Variants in CHCHD3 observed in about 807,000 individuals in gnomAD.
CHCHD3 encodes the protein MICOS complex subunit MIC19.
CHCHD3 carries 20 observed loss-of-function variants against 38.2 expected under a neutral mutation model. The observed-to-expected ratio is 0.52, with a 90% CI of 0.37 to 0.76. The LOEUF (loss-of-function observed/expected upper bound fraction) is 0.76. Among genes scored for constraint, CHCHD3 ranks in the 30% least tolerant of loss-of-function variants. The probability of loss-of-function intolerance (pLI) is 0.00; values close to 1 mark genes in which losing one functional copy is unlikely to be tolerated. For missense variants in CHCHD3, 245 were observed against 279.2 expected, an observed-to-expected ratio of 0.88 and a Z score of 0.87; for synonymous variants, 82 against 100.0, an observed-to-expected ratio of 0.82 and a Z score of 1.07.
intron 2 of CHCHD3, among the ~76,000 whole-genome samples, chr7:133,030,644 C>CT (rs1283195814): frequency 6.6e-6 from 1 of 152,228 alleles, no homozygotes; most frequent in African/African-American, 2.4e-5. Context: ...CACACATACT[C>CT]TCCTTTTAGA....
intron 6 of CHCHD3, among the ~76,000 whole-genome samples, chr7:132,820,795 A>C (rs148111390): frequency 6.6e-6 from 1 of 152,178 alleles, no homozygotes; most frequent in Non-Finnish European, 1.5e-5. Flanking sequence ...ACACGTTAGG[A>C]AGAATCTTGT....
chr7:132,958,167 T>A (rs1440288904), intron 4 of CHCHD3, among the ~76,000 whole-genome samples: 1 of 151,992 alleles, frequency 6.6e-6, no homozygotes, highest in Non-Finnish European at 1.5e-5. Context: ...ATTATAAACA[T>A]CTCCACAAAA....
At chr7:133,045,495 G>A (rs916580087) in intron 2 of CHCHD3, among the ~76,000 whole-genome samples, 12 of 152,108 alleles carry the variant, frequency 7.9e-5, no homozygotes, top group Non-Finnish European at 7.4e-5. Flanking sequence ...GAAGGCAAAG[G>A]CTTTTTAATG....
At chr7:132,866,865 A>C (rs1206668023) in intron 5 of CHCHD3, among the ~76,000 whole-genome samples, 1 of 152,180 alleles carries the variant, frequency 6.6e-6, no homozygotes, top group Non-Finnish European at 1.5e-5. Context: ...AGCCAATGCA[A>C]GAGATTTAGG....
Position 133,070,234 on chromosome 7 carries a change from A to G in CHCHD3, c.82-5T>C, listed in dbSNP as rs761814706. 2 of 1,610,758 alleles carry G rather than the reference A, an allele frequency of 1.2e-6. No individual in the cohort carries two copies. The highest frequency in any genetic ancestry group is 1.7e-4 in the Middle Eastern group (1 of 6,032). On this transcript the variant is annotated splice_region_variant and splice_polypyrimidine_tract_variant and intron_variant, in intron 1 of 7. Coordinates refer to ENST00000262570, the MANE Select transcript of CHCHD3 (RefSeq NM_017812.4). ...ATCAATCACATTTTCCGAAAGCTGG[A>G]AAAGCAACATCAAAATAAAATCAAT...
chr7:132,833,718 A>T (rs1428116591), intron 6 of CHCHD3, among the ~76,000 whole-genome samples: 1 of 152,194 alleles, frequency 6.6e-6, no homozygotes, highest in East Asian at 1.9e-4. Flanking sequence ...AAAACTATAC[A>T]TTGAGGGGCT....
At chr7:132,856,607 A>T (rs1194374486) in intron 5 of CHCHD3, among the ~76,000 whole-genome samples, 1 of 152,186 alleles carries the variant, frequency 6.6e-6, no homozygotes, top group Non-Finnish European at 1.5e-5. Context: ...ACCCAAATGT[A>T]ACCAGACCAA....
chr7:132,829,719 A>T (rs1225794349), intron 6 of CHCHD3, among the ~76,000 whole-genome samples: 2 of 152,320 alleles, frequency 1.3e-5, no homozygotes, highest in African/African-American at 4.8e-5. Context: ...ACCAGCTGAG[A>T]TTCCTTTACA....
intron 2 of CHCHD3, chr7:133,036,071 T>C (rs1584662879): frequency 5.7e-6 from 4 of 701,844 alleles, no homozygotes; most frequent in Non-Finnish European, 1.0e-5. Context: ...TTTCATAAAA[T>C]AATTCGCTAG....
intron 2 of CHCHD3, among the ~76,000 whole-genome samples, chr7:133,045,604 T>C (rs1205371678): frequency 3.9e-5 from 6 of 152,206 alleles, no homozygotes; most frequent in Non-Finnish European, 7.3e-5. Context: ...TTTAAACTTA[T>C]AGGTTCTAAC....
intron 4 of CHCHD3, among the ~76,000 whole-genome samples, chr7:132,942,510 T>C (rs986776894): frequency 1.7e-4 from 26 of 152,296 alleles, no homozygotes; most frequent in South Asian, 6.2e-4. Flanking sequence ...GTGTTAATAA[T>C]TGCAATTCTC....
At chr7:133,051,405 G>T (rs1337338800) in intron 2 of CHCHD3, among the ~76,000 whole-genome samples, 5 of 152,122 alleles carry the variant, frequency 3.3e-5, no homozygotes, top group Non-Finnish European at 7.3e-5. Context: ...AACCTTGACA[G>T]TACCCTTTTA....
chr7:132,825,436 A>G (rs1807484906), intron 6 of CHCHD3, among the ~76,000 whole-genome samples: 1 of 152,230 alleles, frequency 6.6e-6, no homozygotes. Flanking sequence ...TAACCAAACC[A>G]AAACCACAAA....
intron 6 of CHCHD3, among the ~76,000 whole-genome samples, chr7:132,821,831 C>T (rs568924154): frequency 2.1e-3 from 303 of 142,958 alleles, no homozygotes; most frequent in Middle Eastern, 4.1e-3. Context: ...GGCGCAATCT[C>T]GGCTCACTGC....
At chr7:132,938,737 A>G (rs112351327) in intron 4 of CHCHD3, among the ~76,000 whole-genome samples, 2 of 152,134 alleles carry the variant, frequency 1.3e-5, no homozygotes, top group Non-Finnish European at 2.9e-5. Context: ...TGTCCCCGAC[A>G]CCGGCAACAA....
chr7:132,844,934 A>T (rs1367657783), intron 5 of CHCHD3: 3 of 152,258 alleles, frequency 2.0e-5, no homozygotes, highest in Admixed American at 6.5e-5. Context: ...ACCATGGATC[A>T]ATTACTGAAA....
At chr7:132,947,875 C>T (rs1810935994) in intron 4 of CHCHD3, among the ~76,000 whole-genome samples, 1 of 151,872 alleles carries the variant, frequency 6.6e-6, no homozygotes, top group Admixed American at 6.6e-5. Flanking sequence ...TGTTGTGCCA[C>T]TTTAATTACT....
At chr7:133,024,057 T>C (rs1324894988) in intron 3 of CHCHD3, among the ~76,000 whole-genome samples, 1 of 152,206 alleles carries the variant, frequency 6.6e-6, no homozygotes, top group African/African-American at 2.4e-5. Context: ...GGAAACAGGA[T>C]TTTTATTTCC....
chr7:132,844,432 C>A (rs1005329317), intron 5 of CHCHD3, among the ~76,000 whole-genome samples: 1 of 152,176 alleles, frequency 6.6e-6, no homozygotes, highest in Admixed American at 6.5e-5. Flanking sequence ...CCTTTACAGT[C>A]TAAAATAAAA....
Sources: allele counts gnomAD v4.1 joint callset (sites outside exome capture counted in the v4.1 genomes callset), GRCh38; gene constraint gnomAD v4.1.1; transcripts MANE v1.5; gene names NCBI Gene and HGNC (gene_info 2026-07-23, HGNC 2026-07-21).